The following GABRB2 variants were observed in gnomAD, a reference collection of about 807,000 sequenced individuals.
GABRB2 encodes the protein gamma-aminobutyric acid type A receptor subunit beta2, also known as gamma-aminobutyric acid receptor subunit beta-2.
A neutral mutation model predicts 54.7 loss-of-function variants in GABRB2; 16 were observed. That is an observed-to-expected ratio of 0.29 (90% CI 0.20 to 0.44). GABRB2 has a LOEUF of 0.44. GABRB2 is among the 20% of genes least tolerant of loss of function. GABRB2 has a pLI of 1.00. For synonymous variants in GABRB2, 244 were observed against 233.8 expected, an observed-to-expected ratio of 1.04 and a Z score of -0.40; for missense variants, 355 against 644.0, an observed-to-expected ratio of 0.55 and a Z score of 4.86.
intron 3 of GABRB2, among the ~76,000 whole-genome samples, chr5:161,529,881 A>T (rs1333600510): frequency 6.6e-6 from 1 of 152,136 alleles, no homozygotes; most frequent in African/African-American, 2.4e-5. Context: ...TTATAAACAC[A>T]TTCTTACATG....
chr5:161,468,342 C>A (rs1758335902), intron 3 of GABRB2, among the ~76,000 whole-genome samples: 1 of 152,060 alleles, frequency 6.6e-6, no homozygotes, highest in Admixed American at 6.6e-5. Flanking sequence ...TCCCTGAACT[C>A]CACTCACTAA....
intron 5 of GABRB2, among the ~76,000 whole-genome samples, chr5:161,361,138 A>G (rs974293143): frequency 6.6e-6 from 1 of 152,126 alleles, no homozygotes; most frequent in Non-Finnish European, 1.5e-5. Context: ...AGAAATAGAA[A>G]GAGAAGGAGG....
chr5:161,378,777 A>G (rs1174740368), intron 5 of GABRB2, among the ~76,000 whole-genome samples: 1 of 152,208 alleles, frequency 6.6e-6, no homozygotes, highest in Non-Finnish European at 1.5e-5. Flanking sequence ...TCAATAACAC[A>G]ATAAAGAGTA....
At chr5:161,412,541 A>G (rs754401050) in intron 4 of GABRB2, among the ~76,000 whole-genome samples, 8 of 152,140 alleles carry the variant, frequency 5.3e-5, no homozygotes, top group Non-Finnish European at 1.0e-4. Flanking sequence ...TCTTTTAAAA[A>G]CATAAATTAG....
At chr5:161,439,126 G>C (rs1443556048) in intron 4 of GABRB2, among the ~76,000 whole-genome samples, 7 of 152,070 alleles carry the variant, frequency 4.6e-5, no homozygotes, top group Non-Finnish European at 8.8e-5. Context: ...AAAGGTCAAG[G>C]ATAAATAAAC....
intron 3 of GABRB2, among the ~76,000 whole-genome samples, chr5:161,472,542 T>C (rs1487968218): frequency 6.6e-6 from 1 of 151,778 alleles, no homozygotes; most frequent in East Asian, 1.9e-4. Flanking sequence ...GGGAGATGAA[T>C]GTCAGTCCCT....
chr5:161,543,491 A>T (rs569626046), intron 3 of GABRB2, among the ~76,000 whole-genome samples: 2 of 152,296 alleles, frequency 1.3e-5, no homozygotes, highest in Admixed American at 6.5e-5. Flanking sequence ...TCATTTTGTG[A>T]TGCTCTAAAG....
rs184615026 is a variant in GABRB2 at position 161,541,275 on chromosome 5, T to C, written c.237+3952A>G. 9.3e-4 allele frequency among the ~76,000 whole-genome samples: 141 copies of C among 152,286 alleles called. 1 individual carries two copies. Among genetic ancestry groups the C allele is most frequent in the African/African-American group, 3.1e-3 (130 of 41,542 alleles). On this transcript the variant is annotated intron_variant, in intron 3 of 9. Coordinates refer to ENST00000393959, the MANE Select transcript of GABRB2 (RefSeq NM_001371727.1). ...CATCTGGGCTGTGGTTTTCCATTTC[T>C]AGAGCACAGGCCGAGTAGATTTAGC...
chr5:161,543,971 G>T (rs1370237259), intron 3 of GABRB2, among the ~76,000 whole-genome samples: 2 of 152,134 alleles, frequency 1.3e-5, no homozygotes, highest in African/African-American at 2.4e-5. Flanking sequence ...GAATTCCCTT[G>T]CATACTCATA....
intron 1 of GABRB2, 40 bp downstream of exon 1, chr5:161,546,527 C>G: frequency 6.3e-7 from 1 of 1,582,770 alleles, no homozygotes; most frequent in Non-Finnish European, 8.6e-7. Flanking sequence ...CAGAACCCTT[C>G]AAAGTGAGAA....
intron 4 of GABRB2, among the ~76,000 whole-genome samples, chr5:161,429,245 G>T (rs1289463860): frequency 2.1e-5 from 3 of 145,376 alleles, no homozygotes; most frequent in Non-Finnish European, 4.5e-5. Flanking sequence ...TACTTAGGAG[G>T]CTGAAGCAGG....
chr5:161,380,177 C>G (rs936302780), intron 5 of GABRB2, among the ~76,000 whole-genome samples: 1 of 151,972 alleles, frequency 6.6e-6, no homozygotes, highest in Non-Finnish European at 1.5e-5. Context: ...ATTATAAAGA[C>G]TACACATTAA....
At chr5:161,415,772 C>G (rs1039141441) in intron 4 of GABRB2, among the ~76,000 whole-genome samples, 5 of 151,256 alleles carry the variant, frequency 3.3e-5, no homozygotes, top group African/African-American at 1.2e-4. Flanking sequence ...GCCACCACAC[C>G]CAGCTAATTT....
intron 4 of GABRB2, among the ~76,000 whole-genome samples, chr5:161,446,953 C>A (rs1757650723): frequency 6.6e-6 from 1 of 150,894 alleles, no homozygotes; most frequent in South Asian, 2.1e-4. Flanking sequence ...AAGAATTTAC[C>A]ACCACCATTT....
chr5:161,404,469 C>A (rs577419176), intron 5 of GABRB2, among the ~76,000 whole-genome samples: 1 of 152,064 alleles, frequency 6.6e-6, no homozygotes, highest in South Asian at 2.1e-4. Context: ...TGTGACACCT[C>A]CACTTTACAC....
At chr5:161,525,146 G>A (rs1760237449) in intron 3 of GABRB2, among the ~76,000 whole-genome samples, 1 of 151,186 alleles carries the variant, frequency 6.6e-6, no homozygotes, top group Admixed American at 6.6e-5. Flanking sequence ...AGCATAGACA[G>A]TGTGTAACCT....
intron 9 of GABRB2, among the ~76,000 whole-genome samples, chr5:161,317,853 G>A (rs1441352761): frequency 6.6e-6 from 1 of 151,980 alleles, no homozygotes; most frequent in Non-Finnish European, 1.5e-5. Context: ...AACTGTGTAT[G>A]AATGTATGAA....
At chr5:161,544,337 C>G (rs1320227460) in intron 3 of GABRB2, among the ~76,000 whole-genome samples, 1 of 152,138 alleles carries the variant, frequency 6.6e-6, no homozygotes, top group Non-Finnish European at 1.5e-5. Flanking sequence ...TTCTCCAAAG[C>G]ATGAGATTTT....
At chr5:161,545,396 A>ACTACT (rs1350354730) in intron 2 of GABRB2, 102 bp from the exon 3 acceptor site, 2 of 632,452 alleles carry the variant, frequency 3.2e-6, no homozygotes, top group African/African-American at 3.8e-5. Context: ...ACCCTTCTGC[A>ACTACT]CTACTCAATC....
Sources: allele counts gnomAD v4.1 joint callset (sites outside exome capture counted in the v4.1 genomes callset), GRCh38; gene constraint gnomAD v4.1.1; transcripts MANE v1.5; gene names NCBI Gene and HGNC (gene_info 2026-07-23, HGNC 2026-07-21).